The following HECW2 variants were observed in gnomAD, a reference collection of about 807,000 sequenced individuals.
HECW2 encodes the protein HECT, C2 and WW domain containing E3 ubiquitin protein ligase 2.
Under a neutral mutation model 175.2 loss-of-function variants are expected in HECW2, and 61 were observed. The observed-to-expected ratio is 0.35, with a 90% CI of 0.28 to 0.43. HECW2 has a LOEUF of 0.43. Among genes scored for constraint, HECW2 ranks in the 20% least tolerant of loss-of-function variants. HECW2 has a pLI of 1.00. For missense variants in HECW2, 1,524 were observed against 2,000.5 expected (o/e 0.76, Z 4.54); for synonymous variants, 671 against 731.0 (o/e 0.92, Z 1.32).
In HECW2 at chr2:196,198,648, A is replaced by ATT. The variant is rs1316623743; in HGVS notation, c.*2628_*2629insAA. 1.3e-5 allele frequency: 2 copies of ATT among 152,208 alleles called. No individual in the cohort carries two copies. Among genetic ancestry groups the ATT allele is most frequent in the Non-Finnish European group, 2.9e-5 (2 of 68,032 alleles). The allele number at this position is 152,208 out of a possible 1,614,324, so 9.4% of individuals were successfully genotyped here. A position where few individuals can be genotyped will look rare whatever the true frequency, so the allele number is the denominator to read the frequency against. ...GTATTAAGAGTGTCTTCTATAGTAT[A>ATT]AAGAGCATCACTTAAAATAAGACCA... On this transcript the variant is annotated 3_prime_UTR_variant, in exon 29 of 29. Transcript: ENST00000644978.
At chr2:196,445,784 C>T (rs578001447) in intron 1 of HECW2, among the ~76,000 whole-genome samples, 3 of 152,128 alleles carry the variant, frequency 2.0e-5, no homozygotes, top group Non-Finnish European at 4.4e-5. Context: ...CATTTTAGGC[C>T]ATACTAGAGT....
At chr2:196,353,942 G>A (rs6723159) in intron 2 of HECW2, among the ~76,000 whole-genome samples, 152,289 of 152,290 alleles carry the variant, frequency 1, 76,144 homozygotes, top group Non-Finnish European at 1. Flanking sequence ...TCACTGCTCA[G>A]TATAATTCTC....
chr2:196,431,953 G>A (rs573470257), intron 2 of HECW2, among the ~76,000 whole-genome samples: 1 of 152,280 alleles, frequency 6.6e-6, no homozygotes, highest in East Asian at 1.9e-4. Flanking sequence ...AAATTTCAGT[G>A]GCTTTAACAA....
rs559846749 is a variant in HECW2, at chr2:196,422,756, A to G, written c.292+10376T>C. Among the ~76,000 whole-genome samples, 4 of 152,280 alleles carry G rather than the reference A, an allele frequency of 2.6e-5. No individual in the cohort carries two copies. In the East Asian group the frequency reaches 7.7e-4, roughly 29 times the overall value. On this transcript the variant is annotated intron_variant, in intron 2 of 28. Coordinates refer to ENST00000644978, the MANE Select transcript of HECW2 (RefSeq NM_001348768.2). ...TTTCTAAGAGCATTTTAAAATTTTA[A>G]AAATATGACCTAAAACAACTTTTCT...
intron 1 of HECW2, among the ~76,000 whole-genome samples, chr2:196,461,094 C>T (rs180963616): frequency 6.2e-4 from 94 of 152,144 alleles, no homozygotes; most frequent in African/African-American, 2.1e-3. Flanking sequence ...ATAAAATGGC[C>T]TTCAGTTGAA....
At chr2:196,432,889 C>T (rs1695756081) in intron 2 of HECW2, among the ~76,000 whole-genome samples, 1 of 152,136 alleles carries the variant, frequency 6.6e-6, no homozygotes, top group African/African-American at 2.4e-5. Context: ...TACTGTAACA[C>T]CTGCAGGTTC....
intron 2 of HECW2, among the ~76,000 whole-genome samples, chr2:196,369,826 C>T (rs903493057): frequency 3.3e-5 from 5 of 152,160 alleles, no homozygotes; most frequent in Non-Finnish European, 5.9e-5. Context: ...ATGGTGAGCA[C>T]TGCCTGGCTA....
rs1470344581 is a variant in HECW2 at position 196,397,046 on chromosome 2, A to C, written c.292+36086T>G. ...GAGAAGGAGTGAACCCGGGAGGCGG[A>C]GCTTGCAGTGAGCCGAGATGGCGCC... is the stretch of plus-strand genomic sequence containing the variant. On this transcript the variant is annotated intron_variant, in intron 2 of 28. Coordinates refer to ENST00000644978, the MANE Select transcript of HECW2 (RefSeq NM_001348768.2). Among the ~76,000 whole-genome samples the C allele has an allele frequency of 3.3e-5, 5 of 152,292 alleles. No individual in the cohort carries two copies. In the East Asian group the frequency reaches 9.6e-4, roughly 29 times the overall value.
At chr2:196,254,073 G>A (rs770281465) in intron 18 of HECW2, 44 bp from the exon 19 acceptor site, 2 of 1,607,624 alleles carry the variant, frequency 1.2e-6, no homozygotes, top group Non-Finnish European at 1.7e-6. Context: ...AGCCAAAGTA[G>A]TGGGGAAAAG....
intron 4 of HECW2, among the ~76,000 whole-genome samples, chr2:196,330,214 C>T (rs1253032634): frequency 6.6e-6 from 1 of 152,178 alleles, no homozygotes; most frequent in Non-Finnish European, 1.5e-5. Context: ...TGCTATTATA[C>T]TGATAACCTT....
rs1420505477 is a variant in HECW2 at position 196,492,185 on chromosome 2, T to A, written c.-35-58727A>T. 3.9e-5 allele frequency among the ~76,000 whole-genome samples: 6 copies of A among 152,200 alleles called. No individual in the cohort carries two copies. The East Asian group carries it at 1.2e-3, about 29-fold the overall frequency. ...GGTTTATTTTTTAGAGTTACACTCCTCAGTACAAAACCTGCAGATTGTCAC... is the reference window on the plus strand; with the variant it reads ...GGTTTATTTTTTAGAGTTACACTCCACAGTACAAAACCTGCAGATTGTCAC... On this transcript the variant is annotated intron_variant, in intron 1 of 28. Transcript: ENST00000644978.
intron 1 of HECW2, among the ~76,000 whole-genome samples, chr2:196,447,101 G>A (rs1169062816): frequency 6.6e-6 from 1 of 152,158 alleles, no homozygotes; most frequent in African/African-American, 2.4e-5. Context: ...TCAGTGTCAT[G>A]ATCCAGCTTG....
intron 23 of HECW2, among the ~76,000 whole-genome samples, chr2:196,223,898 C>T (rs1230478601): frequency 6.6e-6 from 1 of 152,104 alleles, no homozygotes; most frequent in Non-Finnish European, 1.5e-5. Context: ...AAACATGTAG[C>T]AATCAGGAAA....
intron 3 of HECW2, among the ~76,000 whole-genome samples, chr2:196,339,301 C>T (rs897642907): frequency 2.5e-4 from 38 of 152,194 alleles, no homozygotes; most frequent in Non-Finnish European, 3.8e-4. Flanking sequence ...AGGTACCAAC[C>T]TGAGCACCAC....
chr2:196,251,496 T>C (rs1320310917), intron 19 of HECW2, among the ~76,000 whole-genome samples: 2 of 152,188 alleles, frequency 1.3e-5, no homozygotes, highest in Non-Finnish European at 2.9e-5. Flanking sequence ...GAATCTCCCA[T>C]TGATGGCCCA....
chr2:196,216,907 A>G, intron 27 of HECW2, 101 bp downstream of exon 27: 1 of 750,826 alleles, frequency 1.3e-6, no homozygotes, highest in Non-Finnish European at 2.1e-6. Flanking sequence ...CCAGATACAC[A>G]TGGTATGTGT....
In HECW2 at chr2:196,224,550, T is replaced by C. The variant is rs547266882; in HGVS notation, c.4016+1222A>G. On this transcript the variant is annotated intron_variant, in intron 23 of 28. Transcript: ENST00000644978. ...AAGTTAAAAAAAAGAACCCGCAAAG[T>C]ACAGTGTCATAGATGCCAGCTCTGA... 5.3e-5 allele frequency among the ~76,000 whole-genome samples: 8 copies of C among 152,158 alleles called. No individual in the cohort carries two copies. In the South Asian group the frequency reaches 1.7e-3, roughly 32 times the overall value.
intron 21 of HECW2, among the ~76,000 whole-genome samples, chr2:196,237,620 T>C (rs1409620620): frequency 2.6e-5 from 4 of 152,210 alleles, no homozygotes; most frequent in Non-Finnish European, 4.4e-5. Flanking sequence ...TGGTTCCATA[T>C]TTTGCAAAAG....
chr2:196,206,305 G>C (rs981084281), intron 28 of HECW2, among the ~76,000 whole-genome samples: 12 of 152,306 alleles, frequency 7.9e-5, no homozygotes, highest in African/African-American at 2.9e-4. Context: ...TCAATATTAA[G>C]AAGATTTAAA....
Sources: allele counts gnomAD v4.1 joint callset (sites outside exome capture counted in the v4.1 genomes callset), GRCh38; gene constraint gnomAD v4.1.1; transcripts MANE v1.5; gene names NCBI Gene and HGNC (gene_info 2026-07-23, HGNC 2026-07-21).